Variants in CPNE5 observed in about 807,000 individuals in gnomAD.
CPNE5 encodes copine-5.
Under a neutral mutation model 81.1 loss-of-function variants are expected in CPNE5, and 42 were observed. The ratio of observed to expected loss-of-function variants is 0.52; its 90% CI spans 0.40 to 0.67. The LOEUF (loss-of-function observed/expected upper bound fraction) is 0.67. Among genes scored for constraint, CPNE5 ranks in the 30% least tolerant of loss-of-function variants. The probability of loss-of-function intolerance (pLI) is 0.00; values close to 1 mark genes in which losing one functional copy is unlikely to be tolerated. For missense variants in CPNE5, 612 were observed against 815.5 expected, an observed-to-expected ratio of 0.75 and a Z score of 3.04; for synonymous variants, 313 against 321.5, an observed-to-expected ratio of 0.97 and a Z score of 0.28.
chr6:36,765,052 C>T (rs1212316099), intron 11 of CPNE5, among the ~76,000 whole-genome samples: 1 of 152,176 alleles, frequency 6.6e-6, no homozygotes, highest in African/African-American at 2.4e-5. Flanking sequence ...TGGGTACTGG[C>T]GGGCCCCTGG....
At chr6:36,787,069 C>T (rs1296691566) in intron 8 of CPNE5, among the ~76,000 whole-genome samples, 7 of 152,102 alleles carry the variant, frequency 4.6e-5, no homozygotes, top group African/African-American at 7.2e-5. Flanking sequence ...ATGCTCATAT[C>T]GGTCTCAGCC....
intron 8 of CPNE5, among the ~76,000 whole-genome samples, chr6:36,783,592 C>A (rs1768255071): frequency 6.6e-6 from 1 of 152,182 alleles, no homozygotes; most frequent in African/African-American, 2.4e-5. Flanking sequence ...CAGCCTCAAC[C>A]TCCTGGGCTC....
chr6:36,763,389 G>T (rs532766257), intron 11 of CPNE5, among the ~76,000 whole-genome samples: 3 of 152,278 alleles, frequency 2.0e-5, no homozygotes, highest in East Asian at 3.9e-4. Context: ...GATCACCTGA[G>T]GTCAGGAGTT....
intron 8 of CPNE5, among the ~76,000 whole-genome samples, chr6:36,789,193 G>A (rs920957406): frequency 2.6e-5 from 4 of 152,232 alleles, no homozygotes; most frequent in African/African-American, 7.2e-5. Flanking sequence ...ATCTCAGGAG[G>A]AAGGGAGGGC....
chr6:36,774,025 A>C (rs1392569123), intron 10 of CPNE5, among the ~76,000 whole-genome samples: 1 of 151,366 alleles, frequency 6.6e-6, no homozygotes, highest in Non-Finnish European at 1.5e-5. Context: ...GAAATCGGTG[A>C]GATGAGAAAA....
At chr6:36,804,695 C>T (rs1770426649) in intron 3 of CPNE5, among the ~76,000 whole-genome samples, 1 of 101,462 alleles carries the variant, frequency 9.9e-6, no homozygotes, top group Non-Finnish European at 1.8e-5. Context: ...CCAAGGAAAA[C>T]ACCCATTAAG....
intron 1 of CPNE5, among the ~76,000 whole-genome samples, chr6:36,835,789 G>C (rs768037924): frequency 6.7e-6 from 1 of 148,794 alleles, no homozygotes; most frequent in Non-Finnish European, 1.5e-5. Context: ...GGGCAACAGA[G>C]CAAAAACTCC....
chr6:36,798,693 A>G (rs543745032), intron 4 of CPNE5, among the ~76,000 whole-genome samples, 199 bp from the exon 5 acceptor site: 1 of 152,298 alleles, frequency 6.6e-6, no homozygotes, highest in East Asian at 1.9e-4. Context: ...GCTGGGTGAC[A>G]TCAGAGGGGT....
At chr6:36,826,138 G>GT (rs1465164434) in intron 1 of CPNE5, among the ~76,000 whole-genome samples, 1 of 152,188 alleles carries the variant, frequency 6.6e-6, no homozygotes, top group African/African-American at 2.4e-5. Flanking sequence ...CTAGATACGT[G>GT]TGTGTGTTTG....
At chr6:36,745,564 G>A in intron 16 of CPNE5, 49 bp from the exon 17 acceptor site, 1 of 1,554,834 alleles carries the variant, frequency 6.4e-7, no homozygotes, top group Non-Finnish European at 8.7e-7. Flanking sequence ...AAGGACAGGG[G>A]TGCACGATGT....
chr6:36,759,278 A>G (rs1203950973), intron 12 of CPNE5, among the ~76,000 whole-genome samples: 1 of 152,098 alleles, frequency 6.6e-6, no homozygotes, highest in Non-Finnish European at 1.5e-5. Context: ...GTTTACCCTG[A>G]GGTTTCATGC....
rs575603729 is a variant in CPNE5 at position 36,742,851 on chromosome 6, C to T, written c.1564-365G>A. 6.3e-4 allele frequency: 623 copies of T among 985,412 alleles called. 1 individual carries two copies. Among genetic ancestry groups the T allele is most frequent in the Middle Eastern group, 2.1e-3 (4 of 1,914 alleles). The allele number at this position is 985,412 out of a possible 1,614,324, so 61.0% of individuals were successfully genotyped here. On this transcript the variant is annotated intron_variant, in intron 20 of 20. Coordinates refer to ENST00000244751, the MANE Select transcript of CPNE5 (RefSeq NM_020939.2). ...GGCACGTGCCCTCCTGGGTTTCCCCCGACCTGTCCAGCAGAGCCCTCTCTC... is the reference window on the plus strand; with the variant it reads ...GGCACGTGCCCTCCTGGGTTTCCCCTGACCTGTCCAGCAGAGCCCTCTCTC...
intron 1 of CPNE5, among the ~76,000 whole-genome samples, chr6:36,829,801 T>C (rs1272328037): frequency 9.7e-6 from 1 of 102,802 alleles, no homozygotes; most frequent in East Asian, 2.8e-4. Flanking sequence ...TGACAGAGTG[T>C]GGCTCCATCT....
intron 1 of CPNE5, 88 bp from the exon 2 acceptor site, chr6:36,823,186 G>A: frequency 8.6e-7 from 1 of 1,157,138 alleles, no homozygotes; most frequent in Non-Finnish European, 1.2e-6. Flanking sequence ...AGACCCAGAG[G>A]CTGCCTCTGG....
chr6:36,824,179 C>T (rs950639372), intron 1 of CPNE5, among the ~76,000 whole-genome samples: 2 of 146,214 alleles, frequency 1.4e-5, no homozygotes, highest in Non-Finnish European at 1.5e-5. Flanking sequence ...CGGGCTTTCT[C>T]GGGCAGGCTG....
Position 36,780,164 on chromosome 6 carries a change from T to C in CPNE5, c.529-1207A>G, listed in dbSNP as rs1049074153. On this transcript the variant is annotated intron_variant, in intron 8 of 20. Coordinates refer to ENST00000244751, the MANE Select transcript of CPNE5 (RefSeq NM_020939.2). ...ATTTTTAGTAGAGATGGGGTTTCAC[T>C]GTGTTAGCCAAGATGGTCTCGATAT... Among the ~76,000 whole-genome samples, 8 of 152,154 alleles carry C rather than the reference T, an allele frequency of 5.3e-5. No homozygotes were observed. In the East Asian group the frequency reaches 9.7e-4, roughly 18 times the overall value.
At chr6:36,836,744 C>T (rs1773543016) in intron 1 of CPNE5, among the ~76,000 whole-genome samples, 1 of 152,200 alleles carries the variant, frequency 6.6e-6, no homozygotes. Flanking sequence ...CTCTCCTCCT[C>T]CTTTTCCTCC....
chr6:36,779,028 G>T, intron 8 of CPNE5, 71 bp from the exon 9 acceptor site: 4 of 1,027,626 alleles, frequency 3.9e-6, no homozygotes, highest in Non-Finnish European at 4.6e-6. Flanking sequence ...ACCCCGGCAA[G>T]CATGAGGAGT....
chr6:36,801,636 G>A (rs1160655464), intron 3 of CPNE5, among the ~76,000 whole-genome samples: 1 of 152,138 alleles, frequency 6.6e-6, no homozygotes, highest in African/African-American at 2.4e-5. Context: ...TAAAAAGAAA[G>A]GAAATCCTGT....
Sources: gnomAD v4.1 joint callset for allele counts (sites outside exome capture counted in the v4.1 genomes callset) on GRCh38, gnomAD v4.1.1 for gene constraint, MANE v1.5 for transcripts, NCBI Gene and HGNC (gene_info 2026-07-23, HGNC 2026-07-21) for gene names.